The following SPATA6 variants were observed in gnomAD, a reference collection of about 807,000 sequenced individuals.
SPATA6 encodes the protein spermatogenesis-associated protein 6.
Under a neutral mutation model 65.3 loss-of-function variants are expected in SPATA6, and 56 were observed. The ratio of observed to expected loss-of-function variants is 0.86; its 90% confidence interval spans 0.69 to 1.07. The LOEUF (loss-of-function observed/expected upper bound fraction) is 1.07. SPATA6 is among the 50% of genes least tolerant of loss of function. The probability of loss-of-function intolerance (pLI) is 0.00; values close to 1 mark genes in which losing one functional copy is unlikely to be tolerated. For synonymous variants in SPATA6, 199 were observed against 213.2 expected, an observed-to-expected ratio of 0.93 and a Z score of 0.58; for missense variants, 590 against 594.8, an observed-to-expected ratio of 0.99 and a Z score of 0.08.
intron 3 of SPATA6, among the ~76,000 whole-genome samples, chr1:48,420,367 T>G (rs1653208862): frequency 6.6e-6 from 1 of 152,176 alleles, no homozygotes; most frequent in Admixed American, 6.5e-5. Context: ...CTCTAGCAAA[T>G]TAGTCAAAGA....
At chr1:48,313,379 G>A (rs1402139201) in intron 11 of SPATA6, among the ~76,000 whole-genome samples, 13 of 152,098 alleles carry the variant, frequency 8.5e-5, no homozygotes, top group Non-Finnish European at 1.9e-4. Flanking sequence ...AAGAGAGTGG[G>A]GGCCAATATT....
At chr1:48,424,661 TCTTTTGGATAAAAGCCATTTTAA>T (rs1412004454) in intron 3 of SPATA6, among the ~76,000 whole-genome samples, 19 of 152,344 alleles carry the variant, frequency 1.2e-4, no homozygotes, top group South Asian at 8.3e-4. Flanking sequence ...TTATTTCTTG[TCTTTTGGATAAAAGCCATTTTAA>T]CTACGGTGAG....
chr1:48,338,447 T>G (rs1286691078), intron 11 of SPATA6, among the ~76,000 whole-genome samples: 2 of 152,026 alleles, frequency 1.3e-5, no homozygotes, highest in African/African-American at 4.8e-5. Flanking sequence ...CTTCCTGCTA[T>G]CTCACGATAC....
intron 11 of SPATA6, among the ~76,000 whole-genome samples, chr1:48,338,727 T>C (rs1483762991): frequency 6.6e-6 from 1 of 152,070 alleles, no homozygotes; most frequent in Non-Finnish European, 1.5e-5. Context: ...TTTGTCAAGA[T>C]ATTTTCTAAA....
chr1:48,297,809 T>G lies in SPATA6; in HGVS notation c.*904A>C, dbSNP rs1415229616. On this transcript the variant is annotated 3_prime_UTR_variant, in exon 13 of 13. Transcript: ENST00000371847. ...TCTACCACAAAGCGTTCTGCTATAATATTTTACTCACATTGTGGTTCCAAG... is the reference window on the plus strand; with the variant it reads ...TCTACCACAAAGCGTTCTGCTATAAGATTTTACTCACATTGTGGTTCCAAG... The G allele has an allele frequency of 3.9e-5, 6 of 152,110 alleles. No homozygotes were observed. The highest frequency in any genetic ancestry group is 2.6e-4 in the Admixed American group (4 of 15,260). The allele number at this position is 152,110 out of a possible 1,614,324, so 9.4% of individuals were successfully genotyped here.
chr1:48,326,413 A>C (rs750717815), intron 11 of SPATA6, among the ~76,000 whole-genome samples: 3 of 152,118 alleles, frequency 2.0e-5, no homozygotes, highest in Non-Finnish European at 4.4e-5. Flanking sequence ...GTTATGTTAA[A>C]ATGACCATAC....
chr1:48,302,045 T>C (rs1557525325), intron 12 of SPATA6, among the ~76,000 whole-genome samples: 1 of 152,180 alleles, frequency 6.6e-6, no homozygotes, highest in Non-Finnish European at 1.5e-5. Context: ...TCTTTACATG[T>C]CTCAGAGTTT....
intron 11 of SPATA6, among the ~76,000 whole-genome samples, chr1:48,354,362 C>T (rs2148803094): frequency 6.6e-6 from 1 of 152,158 alleles, no homozygotes; most frequent in South Asian, 2.1e-4. Context: ...TGTACATTCC[C>T]TCTGATTAAT....
chr1:48,343,579 G>C (rs1293735611), intron 11 of SPATA6, among the ~76,000 whole-genome samples: 1 of 152,072 alleles, frequency 6.6e-6, no homozygotes, highest in African/African-American at 2.4e-5. Flanking sequence ...ATATGAATCA[G>C]ATATTAAGTA....
intron 9 of SPATA6, among the ~76,000 whole-genome samples, chr1:48,364,959 G>T (rs567156866): frequency 0.025 from 3,762 of 152,024 alleles, 101 homozygotes; most frequent in African/African-American, 0.067. Flanking sequence ...TTAATCCATC[G>T]TGAATTAGTT....
chr1:48,309,576 C>A (rs1393491100), intron 11 of SPATA6, among the ~76,000 whole-genome samples: 1 of 152,040 alleles, frequency 6.6e-6, no homozygotes, highest in South Asian at 2.1e-4. Context: ...TCTTTTGGTT[C>A]TTTGAATAAC....
intron 11 of SPATA6, among the ~76,000 whole-genome samples, chr1:48,324,920 G>C (rs1329918716): frequency 6.6e-6 from 1 of 152,176 alleles, no homozygotes; most frequent in Non-Finnish European, 1.5e-5. Context: ...TTTCCTTGCA[G>C]ATGATGCAAT....
chr1:48,309,541 A>T (rs926070218), intron 11 of SPATA6, among the ~76,000 whole-genome samples: 11 of 152,188 alleles, frequency 7.2e-5, no homozygotes, highest in African/African-American at 2.7e-4. Flanking sequence ...CATAATTCTA[A>T]CACTTTATTT....
chr1:48,317,412 C>T (rs1349513730), intron 11 of SPATA6, among the ~76,000 whole-genome samples: 2 of 151,688 alleles, frequency 1.3e-5, no homozygotes, highest in Non-Finnish European at 2.9e-5. Flanking sequence ...TCATTCTCAG[C>T]AAACTATTGC....
chr1:48,371,565 C>A (rs1185754806), intron 9 of SPATA6, among the ~76,000 whole-genome samples: 1 of 152,160 alleles, frequency 6.6e-6, no homozygotes, highest in African/African-American at 2.4e-5. Context: ...CATTTTTCCT[C>A]CACTATATGG....
chr1:48,431,723 G>A (rs1412927983), intron 3 of SPATA6, among the ~76,000 whole-genome samples: 1 of 152,096 alleles, frequency 6.6e-6, no homozygotes, highest in Non-Finnish European at 1.5e-5. Context: ...AATACTTGGA[G>A]ATAAATAAAA....
intron 1 of SPATA6, among the ~76,000 whole-genome samples, chr1:48,469,428 AG>A (rs1373683812): frequency 6.6e-6 from 1 of 151,074 alleles, no homozygotes; most frequent in East Asian, 1.9e-4. Context: ...GCAAAGGTAC[AG>A]AATAGTTTAT....
rs561169411 is a variant in SPATA6, at chr1:48,314,256, C to T, written c.1195-8378G>A. On this transcript the variant is annotated intron_variant, in intron 11 of 12. Coordinates refer to ENST00000371847, the MANE Select transcript of SPATA6 (RefSeq NM_019073.4). The stretch of plus-strand genomic sequence containing the variant: ...AATATACATTCTTTTCAGCACCACA[C>T]CACACCTATTCCAAAACTGACCACA... Among the ~76,000 whole-genome samples, 78 of 152,272 alleles carry T rather than the reference C, an allele frequency of 5.1e-4. 1 individual carries two copies. Among genetic ancestry groups the T allele is most frequent in the Non-Finnish European group, 9.0e-4 (61 of 68,040 alleles).
intron 11 of SPATA6, among the ~76,000 whole-genome samples, chr1:48,340,102 G>A (rs1405995101): frequency 6.6e-6 from 1 of 151,662 alleles, no homozygotes; most frequent in Non-Finnish European, 1.5e-5. Flanking sequence ...TCAGATAATA[G>A]AATAGTGCCT....
Sources: gnomAD v4.1 joint callset for allele counts (sites outside exome capture counted in the v4.1 genomes callset) on GRCh38, gnomAD v4.1.1 for gene constraint, MANE v1.5 for transcripts, NCBI Gene and HGNC (gene_info 2026-07-23, HGNC 2026-07-21) for gene names.